Variants in PDPK1 observed in about 807,000 individuals in gnomAD.
PDPK1 encodes the protein 3-phosphoinositide-dependent protein kinase 1.
PDPK1 carries 7 observed loss-of-function variants against 39.8 expected under a neutral mutation model. That is an observed-to-expected ratio of 0.18 (90% CI 0.10 to 0.33). PDPK1 has a LOEUF of 0.33. Ranked by LOEUF, PDPK1 falls within the 10% of genes least tolerant of loss-of-function variation. The probability of loss-of-function intolerance (pLI) is 1.00; values close to 1 mark genes in which losing one functional copy is unlikely to be tolerated. For synonymous variants in PDPK1, 118 were observed against 159.1 expected, an observed-to-expected ratio of 0.74 and a Z score of 1.95; for missense variants, 182 against 384.7, an observed-to-expected ratio of 0.47 and a Z score of 4.41.
At position 2,597,077 on chromosome 16, in the gene PDPK1, G is replaced by A. The variant is rs189326146; in HGVS notation, c.1402-46G>A. On this transcript the variant is annotated intron_variant, in intron 12 of 13. Transcript: ENST00000342085. This position sits in a 1 kb window ranked among gnomAD's most constrained non-coding sequence, Gnocchi z 6.3. Reference sequence around the variant, plus strand: ...AGCCCTCTAGGCTCCAGGAGATGCCGTCAGCACTGGCCTCTGAGGCCTGTT... The same window carrying A: ...AGCCCTCTAGGCTCCAGGAGATGCCATCAGCACTGGCCTCTGAGGCCTGTT... The A allele has an allele frequency of 6.6e-5, 98 of 1,489,468 alleles. No homozygotes were observed. Among genetic ancestry groups the A allele is most frequent in the Non-Finnish European group, 8.5e-5 (94 of 1,107,228 alleles). 92.3% of individuals were successfully genotyped at this position (1,489,468 alleles called of 1,614,324 possible). A position where few individuals can be genotyped will look rare whatever the true frequency, so the allele number is the denominator to read the frequency against.
At position 2,602,695 on chromosome 16, in the gene PDPK1, C is replaced by T. The variant is rs892775141; in HGVS notation, c.*4928C>T. ...CATAAAATAGGATAAATGACTAGTA[C>T]GTCTTTCAGGTGGGTGGCAAGCAGA... On this transcript the variant is annotated 3_prime_UTR_variant, in exon 14 of 14. Coordinates refer to ENST00000342085, the MANE Select transcript of PDPK1 (RefSeq NM_002613.5). 21 of 234,612 alleles carry T rather than the reference C, an allele frequency of 9.0e-5. No individual in the cohort carries two copies. The highest frequency in any genetic ancestry group is 1.3e-4 in the African/African-American group (6 of 45,302). 14.5% of individuals were successfully genotyped at this position (234,612 alleles called of 1,614,324 possible).
At chr16:2,541,290 A>G (rs1050860426) in intron 1 of PDPK1, among the ~76,000 whole-genome samples, 31 of 152,014 alleles carry the variant, frequency 2.0e-4, no homozygotes, top group African/African-American at 6.5e-4. Context: ...CAGTCTATGC[A>G]CTCATCCCCT....
intron 10 of PDPK1, among the ~76,000 whole-genome samples, chr16:2,586,313 T>C (rs943344264): frequency 1.3e-5 from 2 of 152,240 alleles, no homozygotes; most frequent in Non-Finnish European, 1.5e-5. Flanking sequence ...CCAGGCCTCC[T>C]TGGGCCCCTT....
At chr16:2,590,955 C>CTTTTT (rs1189844610) in intron 11 of PDPK1, among the ~76,000 whole-genome samples, 12 of 134,006 alleles carry the variant, frequency 9.0e-5, no homozygotes, top group African/African-American at 3.0e-4. Context: ...GGCCAAAAGT[C>CTTTTT]TTTTTTTTTT....
Position 2,586,743 on chromosome 16 carries a change from C to T in PDPK1, c.1193C>T (p.Ser398Leu), listed in dbSNP as rs370494924. 58 of 1,614,254 alleles carry T rather than the reference C, an allele frequency of 3.6e-5. No individual in the cohort carries two copies. Among genetic ancestry groups the T allele is most frequent in the Non-Finnish European group, 4.8e-5 (57 of 1,180,046 alleles). The change falls in exon 11 of 14, where the codon TCA becomes TTA. Residue 398 changes from serine (S) to leucine (L), a missense_variant. By Grantham distance (145) the Ser-to-Leu change is moderately radical. Around this residue, in one of 5 missense-constraint regions of PDPK1, gnomAD observed 90 missense variants for 111.9 expected, o/e 0.80. Coordinates refer to ENST00000342085, the MANE Select transcript of PDPK1 (RefSeq NM_002613.5). ...VSSSSSSHSLSASDTGLPQRS... is the reference protein window; with the variant it reads ...VSSSSSSHSLLASDTGLPQRS... ...TCGTCCTCCTCCTCACACTCCCTGT[C>T]AGCCTCCGACACGGGCCTGCCCCAG...
chr16:2,597,384 C>T lies in PDPK1; in HGVS notation c.1554+109C>T, dbSNP rs900601956. The T allele has an allele frequency of 6.0e-6, 6 of 998,942 alleles. No individual in the cohort carries two copies. The highest frequency in any genetic ancestry group is 9.0e-6 in the Non-Finnish European group (6 of 667,316). 61.9% of individuals were successfully genotyped at this position (998,942 alleles called of 1,614,324 possible). A position where few individuals can be genotyped will look rare whatever the true frequency, so the allele number is the denominator to read the frequency against. The stretch of plus-strand genomic sequence containing the variant: ...GAGGGAGCAGCGGGGATCGGGGCAG[C>T]TGCCTCGCCCTTTCCGACATCCCAG... On this transcript the variant is annotated intron_variant, in intron 13 of 13. Transcript: ENST00000342085. This position sits in a 1 kb window ranked among gnomAD's most constrained non-coding sequence, Gnocchi z 6.3.
At chr16:2,552,551 G>A (rs1174538274) in intron 1 of PDPK1, among the ~76,000 whole-genome samples, 1 of 145,448 alleles carries the variant, frequency 6.9e-6, no homozygotes, top group African/African-American at 2.6e-5. Flanking sequence ...GGTCCCATCT[G>A]CCTGTGGGAA....
rs775120713 is a variant in PDPK1 at position 2,593,023 on chromosome 16, C to CT, written c.1344-2761dup. On this transcript the variant is annotated intron_variant, in intron 11 of 13. Coordinates refer to ENST00000342085, the MANE Select transcript of PDPK1 (RefSeq NM_002613.5). This position sits in a 1 kb window ranked among gnomAD's most constrained non-coding sequence, Gnocchi z 4.2. ...TGCCTCTGGGCTCCTTGCCTGTGGCCTTTTTTTTTCTCAGGATGGATTTCT... is the reference window on the plus strand; with the variant it reads ...TGCCTCTGGGCTCCTTGCCTGTGGCCTTTTTTTTTTCTCAGGATGGATTTCT... 2.7e-4 allele frequency: 123 copies of CT among 455,390 alleles called. 2 individuals are homozygous for CT. The highest frequency in any genetic ancestry group is 1.7e-3 in the South Asian group (111 of 64,452). The allele number at this position is 455,390 out of a possible 1,614,324, so 28.2% of individuals were successfully genotyped here. A position where few individuals can be genotyped will look rare whatever the true frequency, so the allele number is the denominator to read the frequency against.
At chr16:2,580,126 A>G (rs1386867862) in intron 7 of PDPK1, among the ~76,000 whole-genome samples, 1 of 147,942 alleles carries the variant, frequency 6.8e-6, no homozygotes, top group Non-Finnish European at 1.5e-5. Context: ...ACGTTGGACA[A>G]GCAGTTTTGA....
intron 1 of PDPK1, among the ~76,000 whole-genome samples, chr16:2,544,938 G>A (rs903622392): frequency 3.3e-5 from 5 of 151,666 alleles, no homozygotes; most frequent in Admixed American, 2.0e-4. Context: ...ACACATGATA[G>A]CATTTCACCC....
At position 2,597,040 on chromosome 16, in the gene PDPK1, G is replaced by A. The variant is rs2067117606; in HGVS notation, c.1402-83G>A. 19 of 1,180,320 alleles carry A rather than the reference G, an allele frequency of 1.6e-5. No homozygotes were observed. The South Asian group carries it at 2.6e-4, about 16-fold the overall frequency. The allele number at this position is 1,180,320 out of a possible 1,614,324, so 73.1% of individuals were successfully genotyped here. Reference sequence around the variant, plus strand: ...GTGGCCCTGTGTCCTGAGCAGCTCCGAGGGGCCGCCCAGCCCTCTAGGCTC... The same window carrying A: ...GTGGCCCTGTGTCCTGAGCAGCTCCAAGGGGCCGCCCAGCCCTCTAGGCTC... On this transcript the variant is annotated intron_variant, in intron 12 of 13. Transcript: ENST00000342085. The surrounding 1 kb of genome is among the most constrained non-coding windows in gnomAD (Gnocchi z 6.3).
intron 1 of PDPK1, among the ~76,000 whole-genome samples, chr16:2,551,484 G>A (rs978788736): frequency 5.2e-4 from 79 of 150,546 alleles, no homozygotes; most frequent in Non-Finnish European, 4.9e-4. Context: ...CCTGCTTGCC[G>A]CGTGTGAGAG....
rs1454413297 is a variant in PDPK1, at chr16:2,586,901, C to G, written c.1343+8C>G. 1.9e-6 allele frequency: 3 copies of G among 1,611,958 alleles called. No individual in the cohort carries two copies. The highest frequency in any genetic ancestry group is 1.7e-6 in the Non-Finnish European group (2 of 1,178,124). ...GGCTGGCGGAAACCCTTGGTAAGAA[C>G]TTATGGACATAAGCAATGCTTTTTG... On this transcript the variant is annotated splice_region_variant and intron_variant, in intron 11 of 13. Transcript: ENST00000342085.
intron 1 of PDPK1, among the ~76,000 whole-genome samples, chr16:2,546,549 G>C (rs1350057936): frequency 6.6e-6 from 1 of 152,114 alleles, no homozygotes; most frequent in Non-Finnish European, 1.5e-5. Context: ...GGCCAGGCTG[G>C]TCTTGAACTC....
chr16:2,541,305 C>T (rs1009407159), intron 1 of PDPK1, among the ~76,000 whole-genome samples: 2 of 152,138 alleles, frequency 1.3e-5, no homozygotes, highest in African/African-American at 2.4e-5. Flanking sequence ...TCCCCTGAGC[C>T]GCCTGACCCA....
In PDPK1 at chr16:2,602,258, A is replaced by C. The variant is rs2067232485; in HGVS notation, c.*4491A>C. 4.3e-6 allele frequency: 1 copy of C among 234,576 alleles called. No homozygotes were observed. The highest frequency in any genetic ancestry group is 8.5e-6 in the Non-Finnish European group (1 of 118,022). The allele number at this position is 234,576 out of a possible 1,614,324, so 14.5% of individuals were successfully genotyped here. On this transcript the variant is annotated 3_prime_UTR_variant, in exon 14 of 14. Transcript: ENST00000342085. Reference sequence around the variant, plus strand: ...TGGCAAGTGCCTGAATCGGGGCTGGAGGCACTTCAGAGCCTCTGAGGGGCC... The same window carrying C: ...TGGCAAGTGCCTGAATCGGGGCTGGCGGCACTTCAGAGCCTCTGAGGGGCC...
intron 1 of PDPK1, among the ~76,000 whole-genome samples, chr16:2,544,968 C>T (rs1028131937): frequency 6.6e-6 from 1 of 151,744 alleles, no homozygotes; most frequent in African/African-American, 2.4e-5. Flanking sequence ...TCTCCAGATG[C>T]CTTCTGAGCT....
intron 7 of PDPK1, among the ~76,000 whole-genome samples, chr16:2,578,120 C>T (rs972814798): frequency 6.7e-6 from 1 of 149,004 alleles, no homozygotes; most frequent in Non-Finnish European, 1.5e-5. Context: ...GGTGCTGCCC[C>T]CCGTCGGGGT....
chr16:2,584,978 C>G (rs2066835741), intron 10 of PDPK1, among the ~76,000 whole-genome samples: 1 of 152,224 alleles, frequency 6.6e-6, no homozygotes, highest in Non-Finnish European at 1.5e-5. Context: ...CCCTGCTGGG[C>G]CTGCTGTTGC....
Sources: gnomAD v4.1 joint callset for allele counts (sites outside exome capture counted in the v4.1 genomes callset) on GRCh38, gnomAD v4.1.1 for gene constraint, gnomAD v4.1.1 regional missense constraint, Gnocchi (gnomAD v3.1) non-coding constraint, MANE v1.5 for transcripts, NCBI Gene and HGNC (gene_info 2026-07-23, HGNC 2026-07-21) for gene names.